Variants in EXOC6 observed in about 807,000 individuals in gnomAD.
EXOC6 encodes exocyst complex component 6.
In EXOC6, 60 loss-of-function variants were observed where a neutral mutation model predicts 112.5. The ratio of observed to expected loss-of-function variants is 0.53; its 90% CI spans 0.43 to 0.66. The LOEUF is 0.66. Among genes scored for constraint, EXOC6 ranks in the 30% least tolerant of loss-of-function variants. The probability of loss-of-function intolerance (pLI) is 0.00; values close to 1 mark genes in which losing one functional copy is unlikely to be tolerated. For synonymous variants in EXOC6, 295 were observed against 308.0 expected (o/e 0.96, Z 0.44); for missense variants, 855 against 957.1 (o/e 0.89, Z 1.41).
chr10:93,038,788 AG>A (rs1214049525), intron 20 of EXOC6, among the ~76,000 whole-genome samples: 1 of 152,228 alleles, frequency 6.6e-6, no homozygotes, highest in Non-Finnish European at 1.5e-5. Flanking sequence ...CCCTAAAGGG[AG>A]AAGAGCTATT....
chr10:92,990,818 C>T (rs1253889670), intron 18 of EXOC6, among the ~76,000 whole-genome samples: 1 of 152,080 alleles, frequency 6.6e-6, no homozygotes, highest in East Asian at 1.9e-4. Flanking sequence ...CACTCAGTCT[C>T]TGAGTCATTT....
chr10:92,909,720 A>G lies in EXOC6; in HGVS notation c.663+89A>G. 6.4e-6 allele frequency: 5 copies of G among 779,258 alleles called. No individual in the cohort carries two copies. In the South Asian group the frequency reaches 1.1e-4, roughly 17 times the overall value. The allele number at this position is 779,258 out of a possible 1,614,324, so 48.3% of individuals were successfully genotyped here. On this transcript the variant is annotated intron_variant, in intron 6 of 21. Transcript: ENST00000260762. ...GGTTTACTTCTTTAACTTACATAAA[A>G]TGCTTATTTTTGTTTTACCTTTTTC... is the stretch of plus-strand genomic sequence containing the variant.
At chr10:93,004,126 A>G (rs1045012175) in intron 19 of EXOC6, among the ~76,000 whole-genome samples, 2 of 152,196 alleles carry the variant, frequency 1.3e-5, no homozygotes, top group African/African-American at 4.8e-5. Flanking sequence ...AAAAAGCTTA[A>G]CCTTCATCAG....
In EXOC6 at chr10:93,057,050, G is replaced by GA. The variant is rs60582805; in HGVS notation, c.2282+17dup. 0.89 allele frequency: 1,225,989 copies of GA among 1,374,586 alleles called. 548,229 individuals are homozygous for GA. Among genetic ancestry groups the GA allele is most frequent in the East Asian group, 0.99 (38,745 of 39,192 alleles). The allele number at this position is 1,374,586 out of a possible 1,614,324, so 85.1% of individuals were successfully genotyped here. The stretch of plus-strand genomic sequence containing the variant: ...TCTTTTGGAGAAGTGAGTATATTCT[G>GA]AAACTTTTTTGTATAACATTTTAGC... On this transcript the variant is annotated intron_variant, in intron 21 of 21. Transcript: ENST00000260762.
chr10:92,883,276 G>A (rs1849052422), intron 1 of EXOC6, among the ~76,000 whole-genome samples: 1 of 152,122 alleles, frequency 6.6e-6, no homozygotes, highest in South Asian at 2.1e-4. Flanking sequence ...GATGTGTATT[G>A]GATAGGATGA....
At chr10:93,010,043 T>G (rs1192307139) in intron 19 of EXOC6, among the ~76,000 whole-genome samples, 1 of 152,174 alleles carries the variant, frequency 6.6e-6, no homozygotes, top group Admixed American at 6.5e-5. Context: ...AGAAACAAAT[T>G]CAGACTCAGG....
intron 1 of EXOC6, among the ~76,000 whole-genome samples, chr10:92,859,820 C>CGTGTGTGT (rs1564779063): frequency 2.5e-4 from 26 of 103,412 alleles, no homozygotes; most frequent in African/African-American, 9.4e-4. Context: ...CGTTTGTGTG[C>CGTGTGTGT]ATGTGTGTGT....
intron 7 of EXOC6, among the ~76,000 whole-genome samples, chr10:92,916,526 A>C (rs1302925984): frequency 6.6e-6 from 1 of 152,084 alleles, no homozygotes; most frequent in African/African-American, 2.4e-5. Context: ...AAGAAAAAAA[A>C]CAAACAACTA....
At chr10:92,968,947 C>T (rs894783645) in intron 17 of EXOC6, among the ~76,000 whole-genome samples, 33 of 151,976 alleles carry the variant, frequency 2.2e-4, no homozygotes, top group African/African-American at 7.0e-4. Context: ...TGAGTCATTT[C>T]TTCGTTACTC....
chr10:92,922,160 G>A (rs1175936330), intron 8 of EXOC6, among the ~76,000 whole-genome samples: 1 of 151,978 alleles, frequency 6.6e-6, no homozygotes, highest in Non-Finnish European at 1.5e-5. Flanking sequence ...TGGCTAGCCT[G>A]GTCTCGAACT....
chr10:92,896,067 A>ATG (rs58024012), intron 4 of EXOC6, among the ~76,000 whole-genome samples: 29,939 of 54,090 alleles, frequency 0.55, 7,602 homozygotes, highest in African/African-American at 0.66. Flanking sequence ...GTGTATATAT[A>ATG]TGTGTATATA....
chr10:92,960,953 CTT>C (rs1853962870), intron 17 of EXOC6, among the ~76,000 whole-genome samples: 1 of 152,056 alleles, frequency 6.6e-6, no homozygotes. Flanking sequence ...TATTTAGAAA[CTT>C]TTCTTTTGCT....
chr10:92,858,021 T>G (rs530005971), intron 1 of EXOC6, among the ~76,000 whole-genome samples: 2 of 108,454 alleles, frequency 1.8e-5, no homozygotes, highest in Non-Finnish European at 3.7e-5. Context: ...AGTTGACGGG[T>G]TCCCCCCCTC....
intron 17 of EXOC6, among the ~76,000 whole-genome samples, chr10:92,966,287 T>TATA (rs1564869639): frequency 1.4e-5 from 1 of 72,026 alleles, no homozygotes; most frequent in Non-Finnish European, 2.8e-5. Flanking sequence ...TTATAATTAT[T>TATA]ATTATTATTA....
chr10:92,910,119 A>G (rs971883229), intron 6 of EXOC6, among the ~76,000 whole-genome samples: 1 of 152,244 alleles, frequency 6.6e-6, no homozygotes, highest in Non-Finnish European at 1.5e-5. Context: ...CTTTTGAGTC[A>G]GCAGTTCCAC....
intron 19 of EXOC6, among the ~76,000 whole-genome samples, chr10:93,006,141 CAG>C (rs1458747750): frequency 1.3e-5 from 2 of 151,050 alleles, no homozygotes; most frequent in African/African-American, 4.9e-5. Flanking sequence ...GCCTGGGTGA[CAG>C]AGTGAGACCC....
chr10:92,894,714 A>G (rs1230503378), intron 2 of EXOC6, 80 bp from the exon 3 acceptor site: 4 of 1,070,452 alleles, frequency 3.7e-6, no homozygotes, highest in African/African-American at 1.6e-5. Flanking sequence ...ATGAAGCATG[A>G]TCTGATTACA....
intron 20 of EXOC6, among the ~76,000 whole-genome samples, chr10:93,056,014 A>G (rs1262309451): frequency 6.6e-6 from 1 of 152,210 alleles, no homozygotes; most frequent in Non-Finnish European, 1.5e-5. Flanking sequence ...AAGACCCCTT[A>G]CTTATAAAGT....
intron 20 of EXOC6, among the ~76,000 whole-genome samples, chr10:93,030,664 G>T (rs2134289448): frequency 6.6e-6 from 1 of 152,328 alleles, no homozygotes; most frequent in Middle Eastern, 3.4e-3. Context: ...CTGCAAGTAT[G>T]CAGAGAAAGT....
Sources: allele counts gnomAD v4.1 joint callset (sites outside exome capture counted in the v4.1 genomes callset), GRCh38; gene constraint gnomAD v4.1.1; transcripts MANE v1.5; gene names NCBI Gene and HGNC (gene_info 2026-07-23, HGNC 2026-07-21).